The following ST6GALNAC3 variants were observed in gnomAD, a reference collection of about 807,000 sequenced individuals.
ST6GALNAC3 encodes the protein alpha-N-acetylgalactosaminide alpha-2,6-sialyltransferase 3.
In ST6GALNAC3, 25 loss-of-function variants were observed where a neutral mutation model predicts 32.7. The ratio of observed to expected loss-of-function variants is 0.76; its 90% CI spans 0.56 to 1.07. The LOEUF is 1.07. Among genes scored for constraint, ST6GALNAC3 ranks in the 50% least tolerant of loss-of-function variants. The pLI is 0.00. For synonymous variants in ST6GALNAC3, 129 were observed against 133.1 expected (o/e 0.97, Z 0.21); for missense variants, 355 against 382.4 (o/e 0.93, Z 0.60).
chr1:76,201,515 T>C (rs771357603), intron 1 of ST6GALNAC3, among the ~76,000 whole-genome samples: 5 of 152,084 alleles, frequency 3.3e-5, no homozygotes, highest in African/African-American at 1.2e-4. Context: ...CCATATCACG[T>C]TGGAAACTGA....
chr1:76,560,862 A>T (rs894188258), intron 3 of ST6GALNAC3, among the ~76,000 whole-genome samples: 25 of 152,326 alleles, frequency 1.6e-4, no homozygotes, highest in Middle Eastern at 6.8e-3. Flanking sequence ...GAAATCAGTA[A>T]ATCAAAGAGA....
chr1:76,215,483 AT>A (rs1226537578), intron 1 of ST6GALNAC3, among the ~76,000 whole-genome samples: 1 of 152,158 alleles, frequency 6.6e-6, no homozygotes, highest in African/African-American at 2.4e-5. Context: ...GCATTGGGAT[AT>A]TTCATGCCCC....
chr1:76,602,622 T>G (rs1647286157), intron 3 of ST6GALNAC3, among the ~76,000 whole-genome samples: 1 of 152,156 alleles, frequency 6.6e-6, no homozygotes, highest in African/African-American at 2.4e-5. Context: ...AGGGATTGAT[T>G]TCTGAAAAAC....
At chr1:76,329,131 A>G (rs1647137763) in intron 2 of ST6GALNAC3, among the ~76,000 whole-genome samples, 1 of 152,222 alleles carries the variant, frequency 6.6e-6, no homozygotes, top group African/African-American at 2.4e-5. Flanking sequence ...CTTGTGTCAG[A>G]AATTTTTATG....
intron 3 of ST6GALNAC3, among the ~76,000 whole-genome samples, chr1:76,508,235 A>T (rs315094): frequency 0.65 from 98,442 of 151,906 alleles, 32,292 homozygotes; most frequent in East Asian, 0.87. Context: ...CACGCAGAGT[A>T]CACAACAGGA....
At chr1:76,442,706 C>T (rs546106152) in intron 3 of ST6GALNAC3, among the ~76,000 whole-genome samples, 49 of 152,144 alleles carry the variant, frequency 3.2e-4, no homozygotes, top group Non-Finnish European at 6.3e-4. Flanking sequence ...TACCACTGAA[C>T]AACAAGGTAC....
chr1:76,494,458 TATATATATATAC>T (rs899130562), intron 3 of ST6GALNAC3, among the ~76,000 whole-genome samples: 1 of 86,798 alleles, frequency 1.2e-5, no homozygotes, highest in African/African-American at 4.6e-5. Context: ...TATATATATA[TATATATATATAC>T]ACACACACAC....
At chr1:76,173,496 A>T (rs781742948) in intron 1 of ST6GALNAC3, among the ~76,000 whole-genome samples, 1 of 152,244 alleles carries the variant, frequency 6.6e-6, no homozygotes, top group Non-Finnish European at 1.5e-5. Context: ...GAATCTAATT[A>T]AACTAAAGAG....
chr1:76,246,427 T>C (rs754758013), intron 1 of ST6GALNAC3, among the ~76,000 whole-genome samples: 2 of 152,230 alleles, frequency 1.3e-5, no homozygotes, highest in African/African-American at 2.4e-5. Flanking sequence ...TTAGTATTTT[T>C]ATGTGTGAAT....
chr1:76,448,973 G>C (rs1657186467), intron 3 of ST6GALNAC3, among the ~76,000 whole-genome samples: 1 of 151,940 alleles, frequency 6.6e-6, no homozygotes. Context: ...GTAGCTTGTG[G>C]CACCATGCTT....
At chr1:76,570,553 G>A (rs1665800777) in intron 3 of ST6GALNAC3, among the ~76,000 whole-genome samples, 1 of 152,010 alleles carries the variant, frequency 6.6e-6, no homozygotes, top group African/African-American at 2.4e-5. Context: ...TACCTTCAAT[G>A]TCTTTCTCCC....
intron 1 of ST6GALNAC3, among the ~76,000 whole-genome samples, chr1:76,285,878 A>G (rs1319164558): frequency 6.6e-6 from 1 of 152,162 alleles, no homozygotes; most frequent in Admixed American, 6.5e-5. Flanking sequence ...ATGCCCACAC[A>G]CAAAGAGAGA....
At position 76,443,440 on chromosome 1, in the gene ST6GALNAC3, C is replaced by A. The variant is rs1384978720; in HGVS notation, c.623+31023C>A. 2.0e-5 allele frequency among the ~76,000 whole-genome samples: 3 copies of A among 152,284 alleles called. No individual in the cohort carries two copies. In the East Asian group the frequency reaches 5.8e-4, roughly 29 times the overall value. On this transcript the variant is annotated intron_variant, in intron 3 of 4. Transcript: ENST00000328299. ...AGATAAACAGTGTGATCCTACTCGG[C>A]CTTAAGAGTGAGGACGCTATCGGTT...
intron 1 of ST6GALNAC3, among the ~76,000 whole-genome samples, chr1:76,129,488 G>A (rs1278101681): frequency 1.3e-5 from 2 of 152,096 alleles, no homozygotes; most frequent in Non-Finnish European, 2.9e-5. Context: ...GAGTCCAAAT[G>A]GCCCCAGTGA....
chr1:76,539,209 CCA>C (rs1663824395), intron 3 of ST6GALNAC3, among the ~76,000 whole-genome samples: 1 of 152,132 alleles, frequency 6.6e-6, no homozygotes, highest in South Asian at 2.1e-4. Context: ...AGAAATAACA[CCA>C]CACATCTACA....
chr1:76,354,442 C>T (rs1277374435), intron 2 of ST6GALNAC3, among the ~76,000 whole-genome samples: 1 of 152,212 alleles, frequency 6.6e-6, no homozygotes, highest in African/African-American at 2.4e-5. Flanking sequence ...CCTGGAACAG[C>T]TCCTGTCCCA....
At chr1:76,136,580 T>TCTA (rs558293282) in intron 1 of ST6GALNAC3, among the ~76,000 whole-genome samples, 42 of 152,184 alleles carry the variant, frequency 2.8e-4, no homozygotes, top group African/African-American at 9.2e-4. Context: ...TGTGTGTGCA[T>TCTA]AAAATATTCC....
At chr1:76,614,642 T>C (rs192163035) in intron 3 of ST6GALNAC3, among the ~76,000 whole-genome samples, 1,946 of 140,006 alleles carry the variant, frequency 0.014, 19 homozygotes, top group Middle Eastern at 0.036. Flanking sequence ...TGGTGTGAAC[T>C]TGGGAGACGG....
At chr1:76,540,912 T>A (rs1283745939) in intron 3 of ST6GALNAC3, among the ~76,000 whole-genome samples, 1 of 152,150 alleles carries the variant, frequency 6.6e-6, no homozygotes, top group Non-Finnish European at 1.5e-5. Context: ...GAAACCAATA[T>A]GTAAACAGAG....
Sources: gnomAD v4.1 joint callset for allele counts (sites outside exome capture counted in the v4.1 genomes callset) on GRCh38, gnomAD v4.1.1 for gene constraint, MANE v1.5 for transcripts, NCBI Gene and HGNC (gene_info 2026-07-23, HGNC 2026-07-21) for gene names.